The following ENOPH1 variants were observed in gnomAD, a reference collection of about 807,000 sequenced individuals.
The protein encoded by ENOPH1 is enolase-phosphatase E1.
Under a neutral mutation model 31.1 loss-of-function variants are expected in ENOPH1, and 14 were observed. The observed-to-expected ratio is 0.45, with a 90% CI of 0.30 to 0.70. ENOPH1 has a LOEUF of 0.70. Ranked by LOEUF, ENOPH1 falls within the 30% of genes least tolerant of loss-of-function variation. ENOPH1 has a pLI of 0.09. For missense variants in ENOPH1, 243 were observed against 321.5 expected (o/e 0.76, Z 1.87); for synonymous variants, 127 against 123.2 (o/e 1.03, Z -0.21).
At chr4:82,453,184 G>A (rs1722399588) in intron 3 of ENOPH1, among the ~76,000 whole-genome samples, 1 of 152,210 alleles carries the variant, frequency 6.6e-6, no homozygotes, top group Admixed American at 6.5e-5. Flanking sequence ...TTACAGGTGT[G>A]AGCCACTGCA....
At chr4:82,452,937 T>G (rs1252524875) in intron 3 of ENOPH1, among the ~76,000 whole-genome samples, 4 of 145,488 alleles carry the variant, frequency 2.7e-5, no homozygotes, top group Admixed American at 7.0e-5. Context: ...AGTCTTGCTC[T>G]GTCACCCAGG....
At position 82,443,827 on chromosome 4, in the gene ENOPH1, T is replaced by C. The variant is rs1024383266; in HGVS notation, c.85-4093T>C. Reference sequence around the variant, plus strand: ...CTCAAGTACTATAAATCATTTGCATTGTATAGTTCCCTTGGAGGGCTTTTG... The same window carrying C: ...CTCAAGTACTATAAATCATTTGCATCGTATAGTTCCCTTGGAGGGCTTTTG... On this transcript the variant is annotated intron_variant, in intron 1 of 5. Coordinates refer to ENST00000273920, the MANE Select transcript of ENOPH1 (RefSeq NM_021204.5). Among the ~76,000 whole-genome samples the C allele has an allele frequency of 2.6e-4, 40 of 152,254 alleles. 1 individual carries two copies. Among genetic ancestry groups the C allele is most frequent in the Admixed American group, 2.4e-3 (36 of 15,292 alleles).
Position 82,430,741 on chromosome 4 carries a change from C to T in ENOPH1, c.-89C>T. 1 of 1,303,548 alleles carries T rather than the reference C, an allele frequency of 7.7e-7. No homozygotes were observed. The highest frequency in any genetic ancestry group is 2.4e-5 in the East Asian group (1 of 42,292). 80.7% of individuals were successfully genotyped at this position (1,303,548 alleles called of 1,614,324 possible). On this transcript the variant is annotated 5_prime_UTR_variant, in exon 1 of 6. Transcript: ENST00000273920. The stretch of plus-strand genomic sequence containing the variant: ...AGATCGCGCGGGGCCGCCGGAAGCC[C>T]AAGACGGTACCGGGGGCCGCAGCCG...
intron 2 of ENOPH1, among the ~76,000 whole-genome samples, chr4:82,448,833 C>T (rs985507503): frequency 1.3e-5 from 2 of 150,704 alleles, no homozygotes; most frequent in African/African-American, 2.4e-5. Flanking sequence ...CCGAGGCGGG[C>T]GGATCACGAG....
rs970945247 is a variant in ENOPH1 at position 82,460,115 on chromosome 4, A to G, written c.781A>G (p.Thr261Ala). ...CAGTGAACTATACCTGCCTTCCTCA[A>G]CCTAGAGAAGGGTTGTTAAGGCAGA... Reference protein sequence around the residue: ...SFSELYLPSST With the variant: ...SFSELYLPSSA The change falls in exon 6 of 6, where the codon ACC becomes GCC. Residue 261 changes from threonine to alanine, a missense_variant. Thr to Ala is a moderately conservative substitution (Grantham distance 58, BLOSUM62 0). Coordinates refer to ENST00000273920, the MANE Select transcript of ENOPH1 (RefSeq NM_021204.5). 7 of 1,614,102 alleles carry G rather than the reference A, an allele frequency of 4.3e-6. No homozygotes were observed. Among genetic ancestry groups the G allele is most frequent in the Non-Finnish European group, 5.9e-6 (7 of 1,180,042 alleles).
At position 82,430,755 on chromosome 4, in the gene ENOPH1, G is replaced by GGGCCGC. The variant is rs1275962947; in HGVS notation, c.-74_-69dup. The stretch of plus-strand genomic sequence containing the variant: ...CGCCGGAAGCCCAAGACGGTACCGG[G>GGGCCGC]GGCCGCAGCCGCAGCCGGCGCCGCC... On this transcript the variant is annotated 5_prime_UTR_variant, in exon 1 of 6. Coordinates refer to ENST00000273920, the MANE Select transcript of ENOPH1 (RefSeq NM_021204.5). 35 of 1,438,504 alleles carry GGGCCGC rather than the reference G, an allele frequency of 2.4e-5. No individual in the cohort carries two copies. The highest frequency in any genetic ancestry group is 1.7e-4 in the Middle Eastern group (1 of 5,722). The allele number at this position is 1,438,504 out of a possible 1,614,324, so 89.1% of individuals were successfully genotyped here.
At chr4:82,445,704 A>C (rs1722158072) in intron 1 of ENOPH1, among the ~76,000 whole-genome samples, 1 of 152,208 alleles carries the variant, frequency 6.6e-6, no homozygotes, top group Non-Finnish European at 1.5e-5. Context: ...TGGCCTCCCA[A>C]AATGCTGGGA....
chr4:82,457,444 G>T (rs1183784308), intron 5 of ENOPH1, among the ~76,000 whole-genome samples: 1 of 152,194 alleles, frequency 6.6e-6, no homozygotes, highest in Non-Finnish European at 1.5e-5. Context: ...AGCCCAGGAG[G>T]TCGAGGCCGC....
chr4:82,438,211 A>G (rs539428393), intron 1 of ENOPH1, among the ~76,000 whole-genome samples: 2 of 152,322 alleles, frequency 1.3e-5, no homozygotes, highest in South Asian at 4.1e-4. Context: ...TTGCAGACAA[A>G]GAAGAGTATG....
At chr4:82,444,899 G>A (rs1285714196) in intron 1 of ENOPH1, among the ~76,000 whole-genome samples, 2 of 152,154 alleles carry the variant, frequency 1.3e-5, no homozygotes, top group African/African-American at 4.8e-5. Flanking sequence ...GAAATTATCT[G>A]TAAGTGGATT....
In ENOPH1 at chr4:82,430,621, GT is replaced by G. The variant is rs1383612599; in HGVS notation, c.-207del. On this transcript the variant is annotated 5_prime_UTR_variant, in exon 1 of 6. Transcript: ENST00000273920. ...GGCTCCTGCCCCGTCCTGCTCACGA[GT>G]TCAGGGCTCCTGGGCGGCCGCCTTT... 4.9e-5 allele frequency: 28 copies of G among 569,936 alleles called. No homozygotes were observed. The highest frequency in any genetic ancestry group is 8.5e-5 in the Non-Finnish European group (27 of 318,710). The allele number at this position is 569,936 out of a possible 1,614,324, so 35.3% of individuals were successfully genotyped here. A position where few individuals can be genotyped will look rare whatever the true frequency, so the allele number is the denominator to read the frequency against.
At chr4:82,444,564 T>C (rs979239182) in intron 1 of ENOPH1, among the ~76,000 whole-genome samples, 1 of 152,206 alleles carries the variant, frequency 6.6e-6, no homozygotes. Flanking sequence ...CACGTGACCG[T>C]AAAGCATATC....
intron 1 of ENOPH1, among the ~76,000 whole-genome samples, chr4:82,432,881 A>T: frequency 6.6e-6 from 1 of 152,196 alleles, no homozygotes; most frequent in East Asian, 1.9e-4. Flanking sequence ...AAGTGCTGGG[A>T]TTATAGGCGC....
intron 1 of ENOPH1, among the ~76,000 whole-genome samples, chr4:82,445,155 G>T (rs76112869): frequency 0.056 from 8,517 of 152,174 alleles, 284 homozygotes; most frequent in Non-Finnish European, 0.073. Flanking sequence ...TTGAGTCCAG[G>T]AGTTCAAGAC....
At chr4:82,458,931 G>A (rs1578105526) in intron 5 of ENOPH1, among the ~76,000 whole-genome samples, 1 of 152,132 alleles carries the variant, frequency 6.6e-6, no homozygotes, top group Non-Finnish European at 1.5e-5. Flanking sequence ...GTGGGTGGGT[G>A]GAAGAAACAG....
intron 3 of ENOPH1, among the ~76,000 whole-genome samples, chr4:82,452,799 C>CTGG (rs1560467716): frequency 6.6e-6 from 1 of 151,918 alleles, no homozygotes; most frequent in East Asian, 1.9e-4. Context: ...GTTGTCCAGG[C>CTGG]TGGTCTTAAG....
At chr4:82,441,125 A>C (rs1410944802) in intron 1 of ENOPH1, among the ~76,000 whole-genome samples, 1 of 152,226 alleles carries the variant, frequency 6.6e-6, no homozygotes, top group Non-Finnish European at 1.5e-5. Context: ...ATTTAAACAA[A>C]GCTTGGTGTA....
At chr4:82,443,320 C>T (rs939469910) in intron 1 of ENOPH1, among the ~76,000 whole-genome samples, 1 of 151,990 alleles carries the variant, frequency 6.6e-6, no homozygotes, top group African/African-American at 2.4e-5. Context: ...CGCCTGTAGT[C>T]CCAGCTACTC....
At chr4:82,453,227 A>C (rs1722400659) in intron 3 of ENOPH1, among the ~76,000 whole-genome samples, 1 of 152,200 alleles carries the variant, frequency 6.6e-6, no homozygotes, top group Non-Finnish European at 1.5e-5. Flanking sequence ...ATTTTAGGCC[A>C]TTGCCTGCTG....
Sources: gnomAD v4.1 joint callset for allele counts (sites outside exome capture counted in the v4.1 genomes callset) on GRCh38, gnomAD v4.1.1 for gene constraint, MANE v1.5 for transcripts, NCBI Gene and HGNC (gene_info 2026-07-23, HGNC 2026-07-21) for gene names.